The following RPRD1A variants were observed in gnomAD, a reference collection of about 807,000 sequenced individuals.
RPRD1A encodes the protein regulation of nuclear pre-mRNA domain containing 1A, also known as regulation of nuclear pre-mRNA domain-containing protein 1A.
A neutral mutation model predicts 37.8 loss-of-function variants in RPRD1A; 9 were observed. The ratio of observed to expected loss-of-function variants is 0.24; its 90% CI spans 0.14 to 0.42. The LOEUF is 0.42. Among genes scored for constraint, RPRD1A ranks in the 10% least tolerant of loss-of-function variants. The pLI, the probability that RPRD1A is intolerant of heterozygous loss-of-function variation, is 1.00. For missense variants in RPRD1A, 255 were observed against 371.0 expected, an observed-to-expected ratio of 0.69 and a Z score of 2.57; for synonymous variants, 138 against 139.7, an observed-to-expected ratio of 0.99 and a Z score of 0.08.
chr18:36,001,514 C>T (rs1909416110), intron 6 of RPRD1A, among the ~76,000 whole-genome samples: 1 of 152,184 alleles, frequency 6.6e-6, no homozygotes, highest in African/African-American at 2.4e-5. Flanking sequence ...TAAATGTCAT[C>T]TAATCTGGTG....
At chr18:36,064,609 C>G (rs558814524) in intron 1 of RPRD1A, among the ~76,000 whole-genome samples, 1 of 152,184 alleles carries the variant, frequency 6.6e-6, no homozygotes, top group East Asian at 1.9e-4. Flanking sequence ...GTGTGTCTCG[C>G]TAAAGGATCA....
At chr18:36,045,071 C>A (rs1323582963) in intron 1 of RPRD1A, among the ~76,000 whole-genome samples, 1 of 151,954 alleles carries the variant, frequency 6.6e-6, no homozygotes, top group African/African-American at 2.4e-5. Flanking sequence ...GAAACCCTGT[C>A]TCTACTAAAA....
At chr18:36,027,542 C>T in intron 4 of RPRD1A, 2 of 426,144 alleles carry the variant, frequency 4.7e-6, no homozygotes, top group South Asian at 4.6e-5. Flanking sequence ...AGAGAGCTTA[C>T]TCCAGTGGTG....
intron 2 of RPRD1A, 28 bp downstream of exon 2, chr18:36,033,680 T>C (rs1242143737): frequency 1.9e-6 from 3 of 1,578,172 alleles, no homozygotes; most frequent in Middle Eastern, 3.4e-4. Context: ...TAAAACAGAT[T>C]ACCTAATACC....
intron 6 of RPRD1A, among the ~76,000 whole-genome samples, chr18:35,997,254 C>T (rs528118708): frequency 1.2e-4 from 18 of 152,204 alleles, no homozygotes; most frequent in African/African-American, 4.3e-4. Flanking sequence ...TTGAACATTC[C>T]CCAATGACTT....
intron 1 of RPRD1A, among the ~76,000 whole-genome samples, chr18:36,037,955 G>T (rs776722450): frequency 2.6e-5 from 4 of 152,104 alleles, no homozygotes; most frequent in African/African-American, 9.7e-5. Context: ...AAGTGACTTG[G>T]GCCCTCTTAA....
At chr18:36,063,792 A>AG (rs2088962082) in intron 1 of RPRD1A, among the ~76,000 whole-genome samples, 1 of 152,216 alleles carries the variant, frequency 6.6e-6, no homozygotes, top group East Asian at 1.9e-4. Context: ...ACCCTGCAAA[A>AG]GCAGTCATCT....
intron 1 of RPRD1A, among the ~76,000 whole-genome samples, chr18:36,057,051 C>CAA (rs35428437): frequency 0.09 from 4,017 of 44,700 alleles, 681 homozygotes; most frequent in East Asian, 0.19. Context: ...CCTGTTTCTA[C>CAA]AAAAAAAAAA....
At chr18:36,029,892 G>A (rs996094124) in intron 4 of RPRD1A, among the ~76,000 whole-genome samples, 3 of 151,032 alleles carry the variant, frequency 2.0e-5, no homozygotes, top group Non-Finnish European at 4.4e-5. Context: ...TGCAAGCTCC[G>A]CCTCCCAGGT....
chr18:36,027,065 A>C lies in RPRD1A; in HGVS notation c.624T>G (p.Ser208=). The C allele has an allele frequency of 6.2e-7, 1 of 1,613,856 alleles. No homozygotes were observed. The highest frequency in any genetic ancestry group is 8.5e-7 in the Non-Finnish European group (1 of 1,179,814). Residue 208 remains serine (S), a synonymous_variant, in exon 6 of 7, where the codon TCT becomes TCG. Transcript: ENST00000399022. ...CTACCATTTTGGAAAGCCTTTCTCC[A>C]GATTCTTTATCTAAGAAAAGCACGG... ...SLLDKITDKE[S]GERLSKMVED... is the part of the protein sequence containing the mutation.
chr18:36,000,212 T>A (rs1386860909), intron 6 of RPRD1A, among the ~76,000 whole-genome samples: 1 of 152,222 alleles, frequency 6.6e-6, no homozygotes, highest in African/African-American at 2.4e-5. Flanking sequence ...ATGCTCAAAT[T>A]TGGCTTGGTA....
At chr18:36,049,582 A>C (rs1408060532) in intron 1 of RPRD1A, among the ~76,000 whole-genome samples, 2 of 152,240 alleles carry the variant, frequency 1.3e-5, no homozygotes, top group Admixed American at 1.3e-4. Flanking sequence ...TTTTGTGACT[A>C]GTTTAATTCA....
chr18:35,999,272 C>T (rs532643260), intron 6 of RPRD1A, among the ~76,000 whole-genome samples: 300 of 152,294 alleles, frequency 2.0e-3, no homozygotes, highest in African/African-American at 7.0e-3. Context: ...CAATCTACTT[C>T]CTATGTAAAC....
chr18:36,010,552 G>A (rs559297524), intron 6 of RPRD1A, among the ~76,000 whole-genome samples: 3 of 152,216 alleles, frequency 2.0e-5, no homozygotes, highest in African/African-American at 7.2e-5. Flanking sequence ...TAAAATAGAA[G>A]TTAAGGGTAG....
At chr18:36,023,827 TAA>T (rs1363399372) in intron 6 of RPRD1A, among the ~76,000 whole-genome samples, 5 of 152,350 alleles carry the variant, frequency 3.3e-5, no homozygotes, top group Admixed American at 2.6e-4. Context: ...CATTTTTAAC[TAA>T]GATACGTACA....
chr18:36,004,000 CTTTTTT>C (rs34397005), intron 6 of RPRD1A, among the ~76,000 whole-genome samples: 41 of 85,172 alleles, frequency 4.8e-4, no homozygotes, highest in African/African-American at 1.9e-3. Context: ...CAGACACAGA[CTTTTTT>C]TTTTTTTTTT....
intron 1 of RPRD1A, among the ~76,000 whole-genome samples, chr18:36,051,674 G>C (rs557159207): frequency 2.0e-5 from 3 of 152,024 alleles, no homozygotes; most frequent in Non-Finnish European, 4.4e-5. Flanking sequence ...CCAATAATAA[G>C]AAATTCAACA....
chr18:35,990,731 G>A lies in RPRD1A; in HGVS notation c.*2420C>T, dbSNP rs1449854772. 2 of 152,152 alleles carry A rather than the reference G, an allele frequency of 1.3e-5. No individual in the cohort carries two copies. The highest frequency in any genetic ancestry group is 2.9e-5 in the Non-Finnish European group (2 of 68,032). The allele number at this position is 152,152 out of a possible 1,614,324, so 9.4% of individuals were successfully genotyped here. ...GCCTCAGGTGCACAGTGGAGAAAAC[G>A]CTCATGATTTACAATTTGGTATTAT... On this transcript the variant is annotated 3_prime_UTR_variant, in exon 7 of 7. Coordinates refer to ENST00000399022, the MANE Select transcript of RPRD1A (RefSeq NM_018170.5).
intron 6 of RPRD1A, among the ~76,000 whole-genome samples, chr18:36,017,174 G>A (rs142959953): frequency 1.3e-5 from 2 of 152,172 alleles, no homozygotes; most frequent in Non-Finnish European, 2.9e-5. Context: ...GTCGGGAGTC[G>A]TGGCACTCGC....
Sources: gnomAD v4.1 joint callset for allele counts (sites outside exome capture counted in the v4.1 genomes callset) on GRCh38, gnomAD v4.1.1 for gene constraint, MANE v1.5 for transcripts, NCBI Gene and HGNC (gene_info 2026-07-23, HGNC 2026-07-21) for gene names.